The following ATP8B2 variants were observed in gnomAD, a reference collection of about 807,000 sequenced individuals.
ATP8B2 encodes phospholipid-transporting ATPase ID.
ATP8B2 carries 70 observed loss-of-function variants against 133.4 expected under a neutral mutation model. That is an observed-to-expected ratio of 0.52 (90% CI 0.43 to 0.64). ATP8B2 has a LOEUF of 0.64. Ranked by LOEUF, ATP8B2 falls within the 30% of genes least tolerant of loss-of-function variation. The pLI is 0.00. For synonymous variants in ATP8B2, 517 were observed against 589.5 expected (o/e 0.88, Z 1.78); for missense variants, 1,101 against 1,535.7 (o/e 0.72, Z 4.73).
At chr1:154,342,216 G>T (rs1004185632) in intron 13 of ATP8B2, among the ~76,000 whole-genome samples, 1 of 151,938 alleles carries the variant, frequency 6.6e-6, no homozygotes, top group Admixed American at 6.6e-5. Flanking sequence ...GGGGGGTGCC[G>T]CCTAGGGTAG....
intron 12 of ATP8B2, 24 bp downstream of exon 12, chr1:154,337,568 G>T (rs1281357796): frequency 6.2e-7 from 1 of 1,614,134 alleles, no homozygotes; most frequent in Non-Finnish European, 8.5e-7. Flanking sequence ...CTGACCTGGG[G>T]TCTCTCCAGG....
At position 154,343,194 on chromosome 1, in the gene ATP8B2, C is replaced by T. The variant is rs144176011; in HGVS notation, c.1535C>T (p.Ser512Phe). ...AARNFGFVFR[S>F]RTPKTITVHE... ...AGGAACTTTGGTTTTGTTTTCCGCT[C>T]TCGCACCCCCAAAACAATCACCGTC... The change falls in exon 16 of 28, where the codon TCT becomes TTT. Residue 512 changes from serine to phenylalanine, a missense_variant. Ser to Phe is a radical substitution (Grantham distance 155). Transcript: ENST00000368489. The surrounding 1 kb of genome is among the most constrained non-coding windows in gnomAD (Gnocchi z 5.8). 1.9e-6 allele frequency: 3 copies of T among 1,614,150 alleles called. No homozygotes were observed. The highest frequency in any genetic ancestry group is 1.1e-5 in the South Asian group (1 of 91,082).
At chr1:154,333,421 T>G (rs1287768941) in intron 9 of ATP8B2, among the ~76,000 whole-genome samples, 4 of 150,942 alleles carry the variant, frequency 2.7e-5, no homozygotes, top group African/African-American at 7.3e-5. Flanking sequence ...TGAGAGTTGC[T>G]TGAACCTGGG....
At position 154,331,069 on chromosome 1, in the gene ATP8B2, C is replaced by T; in HGVS notation, c.226C>T (p.Leu76=). Residue 76 remains leucine, a synonymous_variant, in exon 5 of 28, where the codon CTG becomes TTG. Coordinates refer to ENST00000368489, the MANE Select transcript of ATP8B2 (RefSeq NM_001370597.1). The surrounding 1 kb of genome is among the most constrained non-coding windows in gnomAD (Gnocchi z 4.8). ...TCAGTTGATCCCCCAGATCTCTTCCCTGTCCTGGTTCACCACCATTGTGCC... is the reference window on the plus strand; with the variant it reads ...TCAGTTGATCCCCCAGATCTCTTCCTTGTCCTGGTTCACCACCATTGTGCC... ...ILQLIPQISS[L]SWFTTIVPLV... 1 of 1,614,090 alleles carries T rather than the reference C, an allele frequency of 6.2e-7. No homozygotes were observed. Among genetic ancestry groups the T allele is most frequent in the African/African-American group, 1.3e-5 (1 of 75,034 alleles).
chr1:154,331,487 A>G lies in ATP8B2; in HGVS notation c.347A>G (p.Gln116Arg), dbSNP rs35594009. Residue 116 changes from glutamine (Q) to arginine (R), a missense_variant, in exon 6 of 28, where the codon CAG becomes CGG. Transcript: ENST00000368489. This position sits in a 1 kb window ranked among gnomAD's most constrained non-coding sequence, Gnocchi z 4.8. ...AACCAGGTGAATAACCGCCAGTCTC[A>G]GGTGCTGATCAATGGAATGTGAGTG... ...SDNQVNNRQS[Q>R]VLINGILQQE... 437 of 1,614,074 alleles carry G rather than the reference A, an allele frequency of 2.7e-4. 4 individuals carry two copies. The highest frequency in any genetic ancestry group is 4.2e-5 in the Non-Finnish European group (49 of 1,180,044).
intron 9 of ATP8B2, among the ~76,000 whole-genome samples, chr1:154,333,521 A>C (rs1686074402): frequency 6.6e-6 from 1 of 151,744 alleles, no homozygotes; most frequent in African/African-American, 2.4e-5. Context: ...AAAAAGAAGA[A>C]GAAAATAGCT....
In ATP8B2 at chr1:154,346,741, A is replaced by G. The variant is rs750182061; in HGVS notation, c.3146A>G (p.Asn1049Ser). The change falls in exon 26 of 28, where the codon AAC (asparagine) becomes AGC (serine). Residue 1049 changes from asparagine to serine, a missense_variant. Physicochemically the swap from Asn to Ser is conservative, Grantham distance 46 (BLOSUM62 1). Coordinates refer to ENST00000368489, the MANE Select transcript of ATP8B2 (RefSeq NM_001370597.1). This position sits in a 1 kb window ranked among gnomAD's most constrained non-coding sequence, Gnocchi z 4.5. ...AATGGGCTCTTCGACATGTTTCCCAACCAGTTCCGGTTTGTGGGTAAGTCC... is the reference window on the plus strand; with the variant it reads ...AATGGGCTCTTCGACATGTTTCCCAGCCAGTTCCGGTTTGTGGGTAAGTCC... ...HSNGLFDMFP[N>S]QFRFVGNAQN... The G allele has an allele frequency of 3.7e-6, 6 of 1,614,140 alleles. No homozygotes were observed. Among genetic ancestry groups the G allele is most frequent in the East Asian group, 2.2e-5 (1 of 44,882 alleles).
chr1:154,348,277 G>GC, intron 26 of ATP8B2, 131 bp from the exon 27 acceptor site: 1 of 993,048 alleles, frequency 1.0e-6, no homozygotes, highest in South Asian at 2.1e-5. Context: ...ACATTTGGAG[G>GC]GTGAGCCTGG....
chr1:154,331,868 G>T lies in ATP8B2; in HGVS notation c.439-86G>T. The T allele has an allele frequency of 7.0e-7, 1 of 1,431,688 alleles. No individual in the cohort carries two copies. The highest frequency in any genetic ancestry group is 9.8e-7 in the Non-Finnish European group (1 of 1,016,066). 88.7% of individuals were successfully genotyped at this position (1,431,688 alleles called of 1,614,324 possible). ...ATGCACCTGGAACTAAGCAAACCAA[G>T]AATGCTTAGTGGAAGGAGCCACCAT... On this transcript the variant is annotated intron_variant, in intron 7 of 27. Coordinates refer to ENST00000368489, the MANE Select transcript of ATP8B2 (RefSeq NM_001370597.1). This position sits in a 1 kb window ranked among gnomAD's most constrained non-coding sequence, Gnocchi z 4.8.
chr1:154,348,758 C>T (rs1686683629), intron 27 of ATP8B2, 82 bp from the exon 28 acceptor site: 6 of 1,458,364 alleles, frequency 4.1e-6, no homozygotes, highest in Non-Finnish European at 5.5e-6. Flanking sequence ...CAGCCTGGTC[C>T]CGGGTGCTGT....
Position 154,340,747 on chromosome 1 carries a change from C to A in ATP8B2, c.1035-107C>A. On this transcript the variant is annotated intron_variant, in intron 12 of 27. Transcript: ENST00000368489. The surrounding 1 kb of genome is among the most constrained non-coding windows in gnomAD (Gnocchi z 4.0). ...CCAGGTTTCTGTGCCCAGGTGTCTT[C>A]TCCGTTCTTGTCTCTCCCCAGGCGG... 1.9e-6 allele frequency: 2 copies of A among 1,069,428 alleles called. No homozygotes were observed. Among genetic ancestry groups the A allele is most frequent in the East Asian group, 4.8e-5 (2 of 42,052 alleles). The allele number at this position is 1,069,428 out of a possible 1,614,324, so 66.2% of individuals were successfully genotyped here. A position where few individuals can be genotyped will look rare whatever the true frequency, so the allele number is the denominator to read the frequency against.
intron 14 of ATP8B2, 39 bp downstream of exon 14, chr1:154,342,562 C>A: frequency 6.3e-7 from 1 of 1,595,922 alleles, no homozygotes; most frequent in Non-Finnish European, 8.6e-7. Flanking sequence ...GCCAGTGAAA[C>A]AGGGTGCCTG....
intron 26 of ATP8B2, among the ~76,000 whole-genome samples, chr1:154,348,104 G>A (rs1448540401): frequency 6.6e-6 from 1 of 152,192 alleles, no homozygotes; most frequent in Non-Finnish European, 1.5e-5. Flanking sequence ...TGAATGGGTT[G>A]TGGCATTTCC....
At chr1:154,332,745 G>T in intron 9 of ATP8B2, 48 bp downstream of exon 9, 1 of 1,421,582 alleles carries the variant, frequency 7.0e-7, no homozygotes, top group Non-Finnish European at 9.7e-7. Flanking sequence ...GTGGGGTTGG[G>T]TTTTGTTTGG....
At position 154,346,356 on chromosome 1, in the gene ATP8B2, GTTC is replaced by G; in HGVS notation, c.2908_2910del (p.Phe970del). On this transcript the variant is annotated inframe_deletion, in exon 25 of 28. Coordinates refer to ENST00000368489, the MANE Select transcript of ATP8B2 (RefSeq NM_001370597.1). This position sits in a 1 kb window ranked among gnomAD's most constrained non-coding sequence, Gnocchi z 4.5. ...AGGGCATCTACACCTCCGTGCTCAT[GTTC>G]TTCATTCCCTATGGGGTGTTTGCTG... 6.2e-7 allele frequency: 1 copy of G among 1,614,226 alleles called. No individual in the cohort carries two copies. Among genetic ancestry groups the G allele is most frequent in the Non-Finnish European group, 8.5e-7 (1 of 1,180,048 alleles).
In ATP8B2 at chr1:154,340,874, G is replaced by T; in HGVS notation, c.1055G>T (p.Gly352Val). 1.2e-6 allele frequency: 2 copies of T among 1,614,178 alleles called. No individual in the cohort carries two copies. The highest frequency in any genetic ancestry group is 8.5e-7 in the Non-Finnish European group (1 of 1,180,040). ...LYVSVEVIRL[G>V]HSYFINWDKK... ...TGCAGTGTGGAGGTCATCCGTCTGGGCCACAGCTACTTCATCAACTGGGAT... is the reference window on the plus strand; with the variant it reads ...TGCAGTGTGGAGGTCATCCGTCTGGTCCACAGCTACTTCATCAACTGGGAT... The change falls in exon 13 of 28, where the codon GGC becomes GTC. Residue 352 changes from glycine (G) to valine (V), a missense_variant. Physicochemically the swap from Gly to Val is moderately radical, Grantham distance 109 (BLOSUM62 -3). Coordinates refer to ENST00000368489, the MANE Select transcript of ATP8B2 (RefSeq NM_001370597.1). The surrounding 1 kb of genome is among the most constrained non-coding windows in gnomAD (Gnocchi z 4.0).
Position 154,343,409 on chromosome 1 carries a change from T to C in ATP8B2, c.1643-44T>C. The C allele has an allele frequency of 6.2e-7, 1 of 1,608,948 alleles. No homozygotes were observed. ...TGTGTTTATGTTGGGGGTCTTTGCC[T>C]GTCTGAATTTTTCTGGCACTTTCTT... On this transcript the variant is annotated intron_variant, in intron 16 of 27. Coordinates refer to ENST00000368489, the MANE Select transcript of ATP8B2 (RefSeq NM_001370597.1). The surrounding 1 kb of genome is among the most constrained non-coding windows in gnomAD (Gnocchi z 5.8).
rs748874127 is a variant in ATP8B2, at chr1:154,340,992, C to T, written c.1173C>T (p.Ser391=). 21 of 1,614,048 alleles carry T rather than the reference C, an allele frequency of 1.3e-5. No homozygotes were observed. The highest frequency in any genetic ancestry group is 5.3e-5 in the African/African-American group (4 of 74,922). The change falls in exon 13 of 28, where the codon TCC becomes TCT. Residue 391 remains serine, a synonymous_variant. Coordinates refer to ENST00000368489, the MANE Select transcript of ATP8B2 (RefSeq NM_001370597.1). The surrounding 1 kb of genome is among the most constrained non-coding windows in gnomAD (Gnocchi z 4.0). ...EELGQVEYIF[S]DKTGTLTQNI... ...TGGGCCAGGTGGAGTACATCTTCTC[C>T]GACAAGACGGGCACCCTCACCCAGA...
rs1686603762 is a variant in ATP8B2, at chr1:154,346,902, A to AAGG, written c.3163+147_3163+149dup. 4 of 818,688 alleles carry AAGG rather than the reference A, an allele frequency of 4.9e-6. No homozygotes were observed. The African/African-American group carries it at 6.7e-5, about 14-fold the overall frequency. 50.7% of individuals were successfully genotyped at this position (818,688 alleles called of 1,614,324 possible). A position where few individuals can be genotyped will look rare whatever the true frequency, so the allele number is the denominator to read the frequency against. Reference sequence around the variant, plus strand: ...ATTTATTTATTTATTTATTTTCGAGAAGGAGTCTTGCCCAGGCTGGAGTGC... The same window carrying AAGG: ...ATTTATTTATTTATTTATTTTCGAGAAGGAGGAGTCTTGCCCAGGCTGGAGTGC... On this transcript the variant is annotated intron_variant, in intron 26 of 27. Coordinates refer to ENST00000368489, the MANE Select transcript of ATP8B2 (RefSeq NM_001370597.1). This position sits in a 1 kb window ranked among gnomAD's most constrained non-coding sequence, Gnocchi z 4.5.
Sources: allele counts gnomAD v4.1 joint callset (sites outside exome capture counted in the v4.1 genomes callset), GRCh38; gene constraint gnomAD v4.1.1; non-coding constraint Gnocchi (gnomAD v3.1); transcripts MANE v1.5; gene names NCBI Gene and HGNC (gene_info 2026-07-23, HGNC 2026-07-21).